Variants in ERC2 observed in about 807,000 individuals in gnomAD.
ERC2 encodes the protein ERC protein 2.
A neutral mutation model predicts 114.8 loss-of-function variants in ERC2; 42 were observed. The ratio of observed to expected loss-of-function variants is 0.37; its 90% confidence interval spans 0.29 to 0.47. The LOEUF is 0.47. Among genes scored for constraint, ERC2 ranks in the 20% least tolerant of loss-of-function variants. ERC2 has a pLI of 0.99. For missense variants in ERC2, 939 were observed against 1,150.7 expected, an observed-to-expected ratio of 0.82 and a Z score of 2.66; for synonymous variants, 454 against 425.5, an observed-to-expected ratio of 1.07 and a Z score of -0.82.
chr3:55,699,360 A>G lies in ERC2; in HGVS notation c.2847+18T>C. ...AAGGGTAAAAGGGGTCTTGGAGGTA[A>G]GCAGCGATGAAACTGACCTGGTCCG... On this transcript the variant is annotated intron_variant, in intron 16 of 17. Transcript: ENST00000288221. 1 of 1,613,474 alleles carries G rather than the reference A, an allele frequency of 6.2e-7. No individual in the cohort carries two copies. The highest frequency in any genetic ancestry group is 8.5e-7 in the Non-Finnish European group (1 of 1,179,744).
chr3:55,748,454 C>A (rs565850296), intron 14 of ERC2, among the ~76,000 whole-genome samples: 1 of 152,258 alleles, frequency 6.6e-6, no homozygotes, highest in East Asian at 1.9e-4. Flanking sequence ...GAGACTGCTA[C>A]CACAGCAGAA....
At chr3:56,278,323 T>C (rs1417611998) in intron 3 of ERC2, among the ~76,000 whole-genome samples, 1 of 152,206 alleles carries the variant, frequency 6.6e-6, no homozygotes, top group Non-Finnish European at 1.5e-5. Context: ...CTTTGTCCAA[T>C]CATGCGAAGA....
chr3:56,307,019 T>C (rs1415074544), intron 2 of ERC2, among the ~76,000 whole-genome samples: 1 of 152,222 alleles, frequency 6.6e-6, no homozygotes, highest in Non-Finnish European at 1.5e-5. Flanking sequence ...TCACCCTGCA[T>C]GGTTGAATCA....
intron 2 of ERC2, among the ~76,000 whole-genome samples, chr3:56,374,745 A>C (rs1046241214): frequency 6.6e-5 from 10 of 152,142 alleles, no homozygotes; most frequent in African/African-American, 1.9e-4. Flanking sequence ...GAAGAGTAAA[A>C]ATCAACCAGG....
intron 14 of ERC2, among the ~76,000 whole-genome samples, chr3:55,750,194 TAAAAG>T (rs2066597936): frequency 6.6e-6 from 1 of 152,120 alleles, no homozygotes; most frequent in African/African-American, 2.4e-5. Flanking sequence ...AATAATAAAA[TAAAAG>T]ATAAATAATA....
chr3:56,350,907 C>G (rs932275537), intron 2 of ERC2, among the ~76,000 whole-genome samples: 2 of 152,180 alleles, frequency 1.3e-5, no homozygotes, highest in African/African-American at 4.8e-5. Flanking sequence ...ATACTCTCAG[C>G]AACCCTATGA....
intron 3 of ERC2, 54 bp from the exon 4 acceptor site, chr3:56,173,574 A>C: frequency 6.5e-7 from 1 of 1,546,256 alleles, no homozygotes; most frequent in Admixed American, 1.7e-5. Flanking sequence ...CCGTTACACC[A>C]CAACCTTTAC....
intron 13 of ERC2, among the ~76,000 whole-genome samples, chr3:55,902,438 T>C (rs1296969885): frequency 6.6e-6 from 1 of 152,072 alleles, no homozygotes; most frequent in Non-Finnish European, 1.5e-5. Flanking sequence ...GAAAAATCAC[T>C]TCATACAGGG....
intron 17 of ERC2, among the ~76,000 whole-genome samples, chr3:55,531,763 C>T (rs9990119): frequency 6.6e-6 from 1 of 152,162 alleles, no homozygotes; most frequent in Admixed American, 6.5e-5. Flanking sequence ...CTGCCTTTGT[C>T]GAATGGTTTG....
chr3:56,296,492 A>T, intron 2 of ERC2, 57 bp from the exon 3 acceptor site: 1 of 1,518,244 alleles, frequency 6.6e-7, no homozygotes, highest in Non-Finnish European at 8.8e-7. Context: ...GTCAATGAAA[A>T]TGTCAAGTGC....
At chr3:56,296,488 G>A in intron 2 of ERC2, 53 bp from the exon 3 acceptor site, 1 of 1,533,012 alleles carries the variant, frequency 6.5e-7, no homozygotes, top group African/African-American at 1.4e-5. Context: ...AAAAGTCAAT[G>A]AAAATGTCAA....
chr3:56,189,789 C>T (rs146847558), intron 3 of ERC2, among the ~76,000 whole-genome samples: 102 of 152,254 alleles, frequency 6.7e-4, no homozygotes, highest in Middle Eastern at 6.8e-3. Flanking sequence ...GAACACAACC[C>T]GCTGGCACTC....
chr3:56,449,535 G>A (rs1414901726), intron 1 of ERC2, among the ~76,000 whole-genome samples: 1 of 152,118 alleles, frequency 6.6e-6, no homozygotes, highest in Non-Finnish European at 1.5e-5. Context: ...CACTTCCATG[G>A]CAGTTATAGG....
chr3:55,959,007 C>G (rs1446980969), intron 12 of ERC2, among the ~76,000 whole-genome samples: 1 of 152,100 alleles, frequency 6.6e-6, no homozygotes. Flanking sequence ...AGCATGCAAC[C>G]CCAGCTGTGC....
chr3:56,298,505 A>T (rs1247757360), intron 2 of ERC2, among the ~76,000 whole-genome samples: 2 of 152,222 alleles, frequency 1.3e-5, no homozygotes, highest in Non-Finnish European at 2.9e-5. Context: ...AATCTAGTAT[A>T]TCAATTTAAT....
At position 55,834,381 on chromosome 3, in the gene ERC2, G is replaced by A. The variant is rs185281957; in HGVS notation, c.2564+54008C>T. Reference sequence around the variant, plus strand: ...GGAAGTAAAGCTCTCCTCAGCAAATGTAAAAGAACAGAAGTTATAACAAAT... The same window carrying A: ...GGAAGTAAAGCTCTCCTCAGCAAATATAAAAGAACAGAAGTTATAACAAAT... On this transcript the variant is annotated intron_variant, in intron 14 of 17. Coordinates refer to ENST00000288221, the MANE Select transcript of ERC2 (RefSeq NM_015576.3). 1.5e-3 allele frequency among the ~76,000 whole-genome samples: 232 copies of A among 152,232 alleles called. 1 individual carries two copies. The highest frequency in any genetic ancestry group is 5.3e-3 in the African/African-American group (222 of 41,514).
At chr3:55,898,961 T>C (rs908803728) in intron 13 of ERC2, among the ~76,000 whole-genome samples, 2 of 152,248 alleles carry the variant, frequency 1.3e-5, no homozygotes, top group Non-Finnish European at 2.9e-5. Flanking sequence ...TGTAACTTTT[T>C]CTGCCCAATA....
intron 2 of ERC2, among the ~76,000 whole-genome samples, chr3:56,367,275 T>A (rs1013456014): frequency 3.3e-5 from 5 of 152,110 alleles, no homozygotes; most frequent in Non-Finnish European, 5.9e-5. Flanking sequence ...TTTTTTTTTT[T>A]TTATTAGCAT....
chr3:55,993,531 T>C lies in ERC2; in HGVS notation c.2062-1281A>G, dbSNP rs560635542. Among the ~76,000 whole-genome samples, 663 of 152,194 alleles carry C rather than the reference T, an allele frequency of 4.4e-3. 2 individuals carry two copies. Among genetic ancestry groups the C allele is most frequent in the Non-Finnish European group, 6.2e-3 (424 of 67,970 alleles). On this transcript the variant is annotated intron_variant, in intron 10 of 17. Transcript: ENST00000288221. ...AAAAAAATTCAAAAATTAGTATAAA[T>C]AAAATAAATTTCATATGACAAAATA...
Sources: allele counts gnomAD v4.1 joint callset (sites outside exome capture counted in the v4.1 genomes callset), GRCh38; gene constraint gnomAD v4.1.1; transcripts MANE v1.5; gene names NCBI Gene and HGNC (gene_info 2026-07-23, HGNC 2026-07-21).